Variants in PHKA1 observed in about 807,000 individuals in gnomAD.
The protein encoded by PHKA1 is phosphorylase b kinase regulatory subunit alpha, skeletal muscle isoform.
A neutral mutation model predicts 110.2 loss-of-function variants in PHKA1; 60 were observed. The observed-to-expected ratio is 0.54, with a 90% CI of 0.44 to 0.68. The LOEUF (loss-of-function observed/expected upper bound fraction) is 0.68, where lower values mean the gene tolerates loss of function less well. PHKA1 is among the 30% of genes least tolerant of loss of function. PHKA1 has a pLI of 0.00. For missense variants in PHKA1, 801 were observed against 942.5 expected, an observed-to-expected ratio of 0.85 and a Z score of 1.97; for synonymous variants, 316 against 333.6, an observed-to-expected ratio of 0.95 and a Z score of 0.58.
At chrX:72,610,442 T>A (rs1432301017) in intron 22 of PHKA1, among the ~76,000 whole-genome samples, 4 of 111,864 alleles carry the variant, frequency 3.6e-5, no homozygotes, top group Non-Finnish European at 7.5e-5. Context: ...TTACTGTAAA[T>A]GACAGGGTTT....
At chrX:72,603,665 G>A (rs1254447689) in intron 25 of PHKA1, among the ~76,000 whole-genome samples, 1 of 111,106 alleles carries the variant, frequency 9.0e-6, no homozygotes, top group Non-Finnish European at 1.9e-5. Flanking sequence ...GAATATATGA[G>A]GATAACTTGA....
Position 72,690,354 on chromosome X carries a change from A to G in PHKA1, c.454+5354T>C, listed in dbSNP as rs150311755. ...TGTATTGAATTGTGTCCTCCCCCCA[A>G]AAATTTGTATATTGAAGCCCTAACC... On this transcript the variant is annotated intron_variant, in intron 4 of 31. Transcript: ENST00000373542. Among the ~76,000 whole-genome samples the G allele has an allele frequency of 2.9e-3, 323 of 111,362 alleles. 1 individual carries two copies. Among genetic ancestry groups the G allele is most frequent in the African/African-American group, 0.01 (307 of 30,604 alleles).
At chrX:72,706,775 T>C (rs1358424756) in intron 2 of PHKA1, among the ~76,000 whole-genome samples, 3 of 111,559 alleles carry the variant, frequency 2.7e-5, no homozygotes, top group African/African-American at 9.8e-5. Flanking sequence ...TGCAAACCCA[T>C]CAACTCCCTT....
intron 28 of PHKA1, among the ~76,000 whole-genome samples, chrX:72,598,249 A>G (rs782118412): frequency 3.6e-5 from 4 of 111,995 alleles, no homozygotes; most frequent in Admixed American, 9.5e-5. Context: ...CATTGGGCAC[A>G]TGAAAAGACA....
chrX:72,589,667 AT>A (rs1417307328), intron 29 of PHKA1, among the ~76,000 whole-genome samples: 2 of 108,184 alleles, frequency 1.8e-5, no homozygotes, highest in African/African-American at 3.3e-5. Flanking sequence ...ATGATTGTAT[AT>A]TTAGAAAACC....
intron 16 of PHKA1, among the ~76,000 whole-genome samples, chrX:72,634,274 AAAGAG>A (rs1556290117): frequency 8.9e-6 from 1 of 112,028 alleles, no homozygotes; most frequent in African/African-American, 3.2e-5. Flanking sequence ...GAAGAAAGAC[AAAGAG>A]AAGAAAGACT....
chrX:72,698,621 C>A (rs1364720960), intron 3 of PHKA1, among the ~76,000 whole-genome samples: 1 of 112,596 alleles, frequency 8.9e-6, no homozygotes, highest in African/African-American at 3.2e-5. Flanking sequence ...ATAAATAAGA[C>A]ATTGATATGG....
intron 8 of PHKA1, chrX:72,660,796 T>A (rs1243566768): frequency 4.3e-6 from 1 of 232,730 alleles, no homozygotes; most frequent in Non-Finnish European, 8.1e-6. Context: ...CTTTTTTAAA[T>A]ACAATACTGA....
At chrX:72,702,929 CA>C (rs782769010) in intron 3 of PHKA1, among the ~76,000 whole-genome samples, 45 of 111,676 alleles carry the variant, frequency 4.0e-4, no homozygotes, top group Non-Finnish European at 7.9e-4. Context: ...AGAATGCAAC[CA>C]TCTGTCTCTT....
chrX:72,652,734 AT>A, intron 11 of PHKA1, 83 bp from the exon 12 acceptor site: 1 of 608,766 alleles, frequency 1.6e-6, no homozygotes, highest in Non-Finnish European at 2.8e-6. Context: ...CTGGATTGTA[AT>A]TTATACCCTA....
At chrX:72,710,997 G>C (rs1556334477) in intron 2 of PHKA1, among the ~76,000 whole-genome samples, 1 of 106,803 alleles carries the variant, frequency 9.4e-6, no homozygotes, top group African/African-American at 3.4e-5. Flanking sequence ...GAGTAGCTGG[G>C]ACTACAGGCG....
At chrX:72,597,923 A>G (rs1556236485) in intron 28 of PHKA1, among the ~76,000 whole-genome samples, 4 of 111,641 alleles carry the variant, frequency 3.6e-5, no homozygotes. Flanking sequence ...ACAAATAGGA[A>G]TAAATCTTTG....
At chrX:72,621,743 A>C (rs1479762724) in intron 18 of PHKA1, 1 of 742,829 alleles carries the variant, frequency 1.3e-6, no homozygotes, top group Non-Finnish European at 1.6e-6. Context: ...CATCCTAATG[A>C]CAAAGATTGT....
chrX:72,592,965 G>A lies in PHKA1; in HGVS notation c.3243+139C>T. 6.2e-6 allele frequency: 3 copies of A among 487,048 alleles called. No homozygotes were observed. In the South Asian group the frequency reaches 9.1e-5, roughly 15 times the overall value. 40.1% of individuals were successfully genotyped at this position (487,048 alleles called of 1,213,427 possible). On this transcript the variant is annotated intron_variant, in intron 29 of 31. Coordinates refer to ENST00000373542, the MANE Select transcript of PHKA1 (RefSeq NM_002637.4). ...AACAAATCAACTGTTTCATTTTTAT[G>A]TTTTCTTCTTGGTTTTGTCTATCTG...
intron 6 of PHKA1, among the ~76,000 whole-genome samples, chrX:72,671,334 C>T (rs1421598015): frequency 9.1e-6 from 1 of 110,289 alleles, no homozygotes; most frequent in African/African-American, 3.3e-5. Context: ...CTCCCATTCA[C>T]AATTGCTTCA....
chrX:72,611,836 A>G (rs2147693072), intron 21 of PHKA1, among the ~76,000 whole-genome samples: 1 of 112,296 alleles, frequency 8.9e-6, no homozygotes, highest in Non-Finnish European at 1.9e-5. Flanking sequence ...TATGCTGCTG[A>G]TCGGAATAAA....
At chrX:72,642,565 T>C (rs2053309690) in intron 14 of PHKA1, among the ~76,000 whole-genome samples, 1 of 110,672 alleles carries the variant, frequency 9.0e-6, no homozygotes, top group Admixed American at 9.6e-5. Flanking sequence ...AGACTAGAAG[T>C]GCATTATAGG....
In PHKA1 at chrX:72,602,036, C is replaced by T. The variant is rs782107667; in HGVS notation, c.3034-7G>A. ...ACAGTCTACGAAATTCCACCTGAAA[C>T]ATAAATGGCTCAAATTAAACTCAGA... On this transcript the variant is annotated splice_polypyrimidine_tract_variant and splice_region_variant and intron_variant, in intron 27 of 31. Transcript: ENST00000373542. 8.4e-7 allele frequency: 1 copy of T among 1,188,701 alleles called. No individual in the cohort carries two copies. The highest frequency in any genetic ancestry group is 3.0e-5 in the East Asian group (1 of 33,630).
intron 29 of PHKA1, among the ~76,000 whole-genome samples, chrX:72,585,840 G>A (rs377166591): frequency 2.0e-4 from 22 of 112,368 alleles, no homozygotes; most frequent in African/African-American, 6.1e-4. Flanking sequence ...GTCTGAGATC[G>A]AACTGCAAGG....
Sources: gnomAD v4.1 joint callset for allele counts (sites outside exome capture counted in the v4.1 genomes callset) on GRCh38, gnomAD v4.1.1 for gene constraint, MANE v1.5 for transcripts, NCBI Gene and HGNC (gene_info 2026-07-23, HGNC 2026-07-21) for gene names.